LHFPL3: variants seen among roughly 807,000 people sequenced by gnomAD.
LHFPL3 encodes LHFPL tetraspan subfamily member 3 protein.
LHFPL3 carries 5 observed loss-of-function variants against 19.3 expected under a neutral mutation model. That is an observed-to-expected ratio of 0.26 (90% CI 0.14 to 0.54). LHFPL3 has a LOEUF of 0.54. Among genes scored for constraint, LHFPL3 ranks in the 20% least tolerant of loss-of-function variants. The probability of loss-of-function intolerance (pLI) is 0.94; values close to 1 mark genes in which losing one functional copy is unlikely to be tolerated. For synonymous variants in LHFPL3, 133 were observed against 126.2 expected (o/e 1.05, Z -0.36); for missense variants, 249 against 307.4 (o/e 0.81, Z 1.42).
chr7:104,797,292 G>A (rs1164148014), intron 2 of LHFPL3, among the ~76,000 whole-genome samples: 6 of 152,188 alleles, frequency 3.9e-5, no homozygotes, highest in African/African-American at 1.2e-4. Flanking sequence ...TGATAGGATT[G>A]TACCTCCTGG....
chr7:104,793,132 G>A (rs1404218197), intron 2 of LHFPL3, among the ~76,000 whole-genome samples: 2 of 152,158 alleles, frequency 1.3e-5, no homozygotes, highest in Admixed American at 6.6e-5. Context: ...CTGACCTCAG[G>A]TGATCTGCCC....
chr7:104,711,545 C>T (rs1410320439), intron 1 of LHFPL3, among the ~76,000 whole-genome samples: 1 of 152,210 alleles, frequency 6.6e-6, no homozygotes, highest in Non-Finnish European at 1.5e-5. Context: ...CAAGTCATGG[C>T]CTTTCTGAAC....
At chr7:104,379,962 C>G (rs754224021) in intron 1 of LHFPL3, among the ~76,000 whole-genome samples, 3 of 152,116 alleles carry the variant, frequency 2.0e-5, no homozygotes, top group Non-Finnish European at 4.4e-5. Context: ...GAATTCTGCC[C>G]AGAGCATAGA....
At chr7:104,557,664 A>T (rs1789875838) in intron 1 of LHFPL3, among the ~76,000 whole-genome samples, 3 of 151,410 alleles carry the variant, frequency 2.0e-5, no homozygotes, top group Non-Finnish European at 4.4e-5. Context: ...TTTATTTTTT[A>T]TTTTTATTTT....
chr7:104,814,299 C>T (rs1790525672), intron 2 of LHFPL3, among the ~76,000 whole-genome samples: 1 of 152,098 alleles, frequency 6.6e-6, no homozygotes, highest in South Asian at 2.1e-4. Context: ...GTGGGTGGCT[C>T]CTCTCTGCAC....
chr7:104,360,673 G>GT (rs34017276), intron 1 of LHFPL3, among the ~76,000 whole-genome samples: 3 of 150,036 alleles, frequency 2.0e-5, no homozygotes, highest in South Asian at 4.2e-4. Context: ...GAGTTGTTGG[G>GT]TTTTTTTAAA....
intron 1 of LHFPL3, among the ~76,000 whole-genome samples, chr7:104,598,144 C>T (rs1790899193): frequency 6.6e-6 from 1 of 152,178 alleles, no homozygotes; most frequent in Non-Finnish European, 1.5e-5. Flanking sequence ...GCATCCACAT[C>T]AATTTTCAAG....
intron 1 of LHFPL3, among the ~76,000 whole-genome samples, chr7:104,559,711 C>A (rs554215804): frequency 1.6e-4 from 24 of 152,210 alleles, no homozygotes; most frequent in Middle Eastern, 3.4e-3. Context: ...GAACTTCCAA[C>A]ACTATGTTGA....
chr7:104,645,836 A>G (rs1006761291), intron 1 of LHFPL3, among the ~76,000 whole-genome samples: 5 of 151,078 alleles, frequency 3.3e-5, no homozygotes, highest in Admixed American at 6.6e-5. Context: ...AATTTTTTGT[A>G]TTTTTAGTAG....
intron 1 of LHFPL3, among the ~76,000 whole-genome samples, chr7:104,624,463 C>A (rs187546296): frequency 6.6e-6 from 1 of 152,172 alleles, no homozygotes; most frequent in African/African-American, 2.4e-5. Flanking sequence ...TCCTCCCAAG[C>A]TCTACAGAGA....
chr7:104,411,735 A>G (rs933191970), intron 1 of LHFPL3, among the ~76,000 whole-genome samples: 2 of 152,190 alleles, frequency 1.3e-5, no homozygotes, highest in Admixed American at 6.5e-5. Flanking sequence ...AAGAAGTTCA[A>G]AGAAGGGTAG....
intron 1 of LHFPL3, among the ~76,000 whole-genome samples, chr7:104,723,157 A>C (rs1192741464): frequency 1.3e-5 from 2 of 152,230 alleles, no homozygotes; most frequent in Non-Finnish European, 2.9e-5. Flanking sequence ...ATGCCAGAGC[A>C]ATTAGTGGCT....
intron 1 of LHFPL3, among the ~76,000 whole-genome samples, chr7:104,549,879 A>G (rs1048374172): frequency 1.3e-5 from 2 of 152,150 alleles, no homozygotes; most frequent in African/African-American, 4.8e-5. Context: ...GTAATATCAT[A>G]GAACTGTAAA....
chr7:104,525,746 A>G (rs1453098832), intron 1 of LHFPL3, among the ~76,000 whole-genome samples: 2 of 151,762 alleles, frequency 1.3e-5, no homozygotes, highest in East Asian at 3.9e-4. Flanking sequence ...AGCTGGGATT[A>G]CAAGCGCGTA....
chr7:104,872,419 TG>T (rs1221358570), intron 2 of LHFPL3, among the ~76,000 whole-genome samples: 2 of 151,180 alleles, frequency 1.3e-5, no homozygotes, highest in Non-Finnish European at 2.9e-5. Flanking sequence ...CCAAGGTGGG[TG>T]GATCACTTGA....
At position 104,585,480 on chromosome 7, in the gene LHFPL3, A is replaced by AACACACACACACACACACACACAC. The variant is rs57028058; in HGVS notation, c.446-151176_446-151153dup. 9.7e-3 allele frequency among the ~76,000 whole-genome samples: 1,191 copies of AACACACACACACACACACACACAC among 122,970 alleles called. 65 individuals are homozygous for AACACACACACACACACACACACAC. Among genetic ancestry groups the AACACACACACACACACACACACAC allele is most frequent in the Non-Finnish European group, 0.014 (797 of 57,922 alleles). 80.7% of individuals were successfully genotyped at this position (122,970 alleles called of 152,430 possible). A position where few individuals can be genotyped will look rare whatever the true frequency, so the allele number is the denominator to read the frequency against. On this transcript the variant is annotated intron_variant, in intron 1 of 2. Transcript: ENST00000424859. Reference sequence around the variant, plus strand: ...AAAGTGGAATAAGGCAACACACACAAACACACACACACACACACACACACA... The same window carrying AACACACACACACACACACACACAC: ...AAAGTGGAATAAGGCAACACACACAAACACACACACACACACACACACACACACACACACACACACACACACACA...
At chr7:104,465,216 G>T (rs1792754745) in intron 1 of LHFPL3, among the ~76,000 whole-genome samples, 1 of 151,762 alleles carries the variant, frequency 6.6e-6, no homozygotes, top group Admixed American at 6.6e-5. Flanking sequence ...GGACTTCATT[G>T]TCCATATCAC....
chr7:104,497,309 G>GAAAAAAA (rs34908934), intron 1 of LHFPL3, among the ~76,000 whole-genome samples: 14 of 96,630 alleles, frequency 1.4e-4, no homozygotes, highest in East Asian at 3.2e-4. Flanking sequence ...TTGAGAAAAG[G>GAAAAAAA]AAAAAAAAAA....
chr7:104,351,066 G>T (rs1414102178), intron 1 of LHFPL3, among the ~76,000 whole-genome samples: 1 of 150,154 alleles, frequency 6.7e-6, no homozygotes, highest in Non-Finnish European at 1.5e-5. Context: ...GGAAAGAAAA[G>T]GTCTCTTCGA....
Sources: gnomAD v4.1 joint callset for allele counts (sites outside exome capture counted in the v4.1 genomes callset) on GRCh38, gnomAD v4.1.1 for gene constraint, MANE v1.5 for transcripts, NCBI Gene and HGNC (gene_info 2026-07-23, HGNC 2026-07-21) for gene names.